The following HDAC1 variants were observed in gnomAD, a reference collection of about 807,000 sequenced individuals.
HDAC1 encodes protein deacetylase HDAC1.
Under a neutral mutation model 65.5 loss-of-function variants are expected in HDAC1, and 18 were observed. The ratio of observed to expected loss-of-function variants is 0.27; its 90% CI spans 0.19 to 0.41. HDAC1 has a LOEUF of 0.41. Among genes scored for constraint, HDAC1 ranks in the 10% least tolerant of loss-of-function variants. HDAC1 has a pLI of 1.00. For synonymous variants in HDAC1, 211 were observed against 227.9 expected, an observed-to-expected ratio of 0.93 and a Z score of 0.67; for missense variants, 373 against 625.2, an observed-to-expected ratio of 0.60 and a Z score of 4.30.
In HDAC1 at chr1:32,331,004, G is replaced by A. The variant is rs1006109887; in HGVS notation, c.979+96G>A. 61 of 1,105,748 alleles carry A rather than the reference G, an allele frequency of 5.5e-5. No individual in the cohort carries two copies. The highest frequency in any genetic ancestry group is 6.5e-5 in the Non-Finnish European group (48 of 742,526). 68.5% of individuals were successfully genotyped at this position (1,105,748 alleles called of 1,614,324 possible). A position where few individuals can be genotyped will look rare whatever the true frequency, so the allele number is the denominator to read the frequency against. ...CCCCTTCCCCGTTGGTCATATGACC[G>A]CTCCTCTTCTGATACTAGTCACTGA... is the stretch of plus-strand genomic sequence containing the variant. On this transcript the variant is annotated intron_variant, in intron 9 of 13. Coordinates refer to ENST00000373548, the MANE Select transcript of HDAC1 (RefSeq NM_004964.3). This position sits in a 1 kb window ranked among gnomAD's most constrained non-coding sequence, Gnocchi z 4.2.
intron 3 of HDAC1, among the ~76,000 whole-genome samples, chr1:32,324,265 C>T (rs901298725): frequency 3.3e-5 from 5 of 152,146 alleles, no homozygotes; most frequent in African/African-American, 1.2e-4. Context: ...GCATGGGCAA[C>T]AGAGCAAGCC....
At chr1:32,315,291 C>T (rs940325289) in intron 2 of HDAC1, among the ~76,000 whole-genome samples, 2 of 151,870 alleles carry the variant, frequency 1.3e-5, no homozygotes, top group Admixed American at 6.6e-5. Context: ...ACCCTTTTTT[C>T]GTGAACTCTT....
chr1:32,304,424 G>T (rs188007339), intron 2 of HDAC1, among the ~76,000 whole-genome samples: 1 of 152,038 alleles, frequency 6.6e-6, no homozygotes, highest in Admixed American at 6.6e-5. Context: ...CTCTGCTCCC[G>T]AGAGCTCTGC....
intron 2 of HDAC1, among the ~76,000 whole-genome samples, chr1:32,312,966 G>A (rs889628623): frequency 2.6e-5 from 4 of 152,206 alleles, no homozygotes; most frequent in Admixed American, 2.0e-4. Flanking sequence ...GTGAGCCACC[G>A]CACCTGGCCA....
At chr1:32,326,498 T>C (rs1570036473) in intron 4 of HDAC1, among the ~76,000 whole-genome samples, 1 of 152,116 alleles carries the variant, frequency 6.6e-6, no homozygotes, top group African/African-American at 2.4e-5. Flanking sequence ...TCCTTGACCA[T>C]GAGCCATAGT....
chr1:32,327,023 C>T lies in HDAC1; in HGVS notation c.440C>T (p.Ala147Val). 6.2e-7 allele frequency: 1 copy of T among 1,614,130 alleles called. No homozygotes were observed. The highest frequency in any genetic ancestry group is 8.5e-7 in the Non-Finnish European group (1 of 1,180,002). ...CTGCACCATGCAAAGAAGTCCGAGG[C>T]ATCTGGCTTCTGTTACGTCAATGAT... ...GGLHHAKKSE[A>V]SGFCYVNDIV... Residue 147 changes from alanine to valine, a missense_variant, in exon 5 of 14, where the codon GCA becomes GTA. This residue lies in a region of HDAC1 where 62 missense variants were observed against 180.0 expected (regional missense o/e 0.34). Coordinates refer to ENST00000373548, the MANE Select transcript of HDAC1 (RefSeq NM_004964.3). The surrounding 1 kb of genome is among the most constrained non-coding windows in gnomAD (Gnocchi z 6.0).
Position 32,310,620 on chromosome 1 carries a change from C to T in HDAC1, c.163-6045C>T, listed in dbSNP as rs151049014. ...GTCCCAGCACTTTGGGAGGCTGAGG[C>T]GGATGGATCACCTGAGGTCAGCAGT... On this transcript the variant is annotated intron_variant, in intron 2 of 13. Transcript: ENST00000373548. 6.5e-3 allele frequency among the ~76,000 whole-genome samples: 996 copies of T among 152,140 alleles called. 7 individuals are homozygous for T. Among genetic ancestry groups the T allele is most frequent in the African/African-American group, 0.023 (939 of 41,500 alleles).
At chr1:32,308,816 C>T (rs896761878) in intron 2 of HDAC1, among the ~76,000 whole-genome samples, 7 of 151,206 alleles carry the variant, frequency 4.6e-5, no homozygotes, top group African/African-American at 1.7e-4. Context: ...CGGCGCCTGG[C>T]CCGTTTTATT....
In HDAC1 at chr1:32,330,227, T is replaced by A. The variant is rs1460870438; in HGVS notation, c.730-351T>A. 2.6e-5 allele frequency: 7 copies of A among 264,652 alleles called. No homozygotes were observed. The East Asian group carries it at 6.5e-4, about 24-fold the overall frequency. 16.4% of individuals were successfully genotyped at this position (264,652 alleles called of 1,614,324 possible). A position where few individuals can be genotyped will look rare whatever the true frequency, so the allele number is the denominator to read the frequency against. On this transcript the variant is annotated intron_variant, in intron 7 of 13. Transcript: ENST00000373548. The surrounding 1 kb of genome is among the most constrained non-coding windows in gnomAD (Gnocchi z 4.2). ...TGCTCATAATGTAAGGCTTCAAGTC[T>A]GTAAGACCGAATGAGTAGAGTAGAT...
intron 1 of HDAC1, among the ~76,000 whole-genome samples, chr1:32,300,507 G>A (rs146438339): frequency 4.0e-4 from 61 of 152,024 alleles, no homozygotes; most frequent in Middle Eastern, 3.4e-3. Context: ...CTGAGCCGCC[G>A]AGATAGTACC....
intron 3 of HDAC1, among the ~76,000 whole-genome samples, chr1:32,318,300 T>C (rs2148065974): frequency 6.6e-6 from 1 of 152,356 alleles, no homozygotes; most frequent in Middle Eastern, 3.4e-3. Context: ...TTCATGCCTG[T>C]AATCCTAGCA....
chr1:32,309,044 C>T (rs1344517916), intron 2 of HDAC1, among the ~76,000 whole-genome samples: 2 of 151,946 alleles, frequency 1.3e-5, no homozygotes, highest in African/African-American at 4.8e-5. Flanking sequence ...AGTGCTGGGC[C>T]CAAGCAGTCT....
chr1:32,325,768 G>A (rs1641208015), intron 4 of HDAC1, among the ~76,000 whole-genome samples: 1 of 152,184 alleles, frequency 6.6e-6, no homozygotes, highest in Admixed American at 6.5e-5. Flanking sequence ...GCACATGCCT[G>A]TAATCTCAGC....
chr1:32,310,720 G>A (rs769581528), intron 2 of HDAC1, among the ~76,000 whole-genome samples: 15 of 151,886 alleles, frequency 9.9e-5, no homozygotes, highest in Admixed American at 2.0e-4. Context: ...AGTGGTGGTG[G>A]GAGCCTGTAA....
At chr1:32,296,028 G>A (rs960373661) in intron 1 of HDAC1, among the ~76,000 whole-genome samples, 25 of 152,098 alleles carry the variant, frequency 1.6e-4, no homozygotes, top group Admixed American at 1.5e-3. Flanking sequence ...GTACTCCCCC[G>A]TGATAGTATT....
At chr1:32,320,923 A>C (rs12727854) in intron 3 of HDAC1, among the ~76,000 whole-genome samples, 221 of 141,956 alleles carry the variant, frequency 1.6e-3, no homozygotes, top group African/African-American at 5.5e-3. Context: ...AAAAAAAAAA[A>C]CAGAAAAAGA....
At chr1:32,307,655 T>C (rs1362731460) in intron 2 of HDAC1, among the ~76,000 whole-genome samples, 2 of 152,204 alleles carry the variant, frequency 1.3e-5, no homozygotes, top group African/African-American at 2.4e-5. Flanking sequence ...GCATTTTTCA[T>C]GTAATATTTT....
Position 32,292,123 on chromosome 1 carries a change from G to T in HDAC1, c.-47G>T, listed in dbSNP as rs1447350347. On this transcript the variant is annotated 5_prime_UTR_variant, in exon 1 of 14. Coordinates refer to ENST00000373548, the MANE Select transcript of HDAC1 (RefSeq NM_004964.3). Reference sequence around the variant, plus strand: ...TCGGACGCTGAGCGGAGCCGCGGGCGGGAGGGCGGACGGACCGACTGACGG... The same window carrying T: ...TCGGACGCTGAGCGGAGCCGCGGGCTGGAGGGCGGACGGACCGACTGACGG... 2.6e-6 allele frequency: 4 copies of T among 1,538,380 alleles called. No homozygotes were observed. The highest frequency in any genetic ancestry group is 1.2e-5 in the South Asian group (1 of 83,736).
chr1:32,323,564 A>G lies in HDAC1; in HGVS notation c.281-915A>G, dbSNP rs374914899. ...AGGCAGCTGCCACCACACCTGGCTA[A>G]TTTTTATGTTTTTGGTAGAGATGGG... On this transcript the variant is annotated intron_variant, in intron 3 of 13. Transcript: ENST00000373548. 6.6e-5 allele frequency among the ~76,000 whole-genome samples: 10 copies of G among 151,836 alleles called. No individual in the cohort carries two copies. The East Asian group carries it at 1.7e-3, about 27-fold the overall frequency.
Sources: allele counts gnomAD v4.1 joint callset (sites outside exome capture counted in the v4.1 genomes callset), GRCh38; gene constraint gnomAD v4.1.1; regional missense constraint gnomAD v4.1.1; non-coding constraint Gnocchi (gnomAD v3.1); transcripts MANE v1.5; gene names NCBI Gene and HGNC (gene_info 2026-07-23, HGNC 2026-07-21).